Variants in PDE1A observed in about 807,000 individuals in gnomAD.
The protein encoded by PDE1A is dual specificity calcium/calmodulin-dependent 3',5'-cyclic nucleotide phosphodiesterase 1A.
Under a neutral mutation model 61.7 loss-of-function variants are expected in PDE1A, and 35 were observed. The ratio of observed to expected loss-of-function variants is 0.57; its 90% CI spans 0.43 to 0.75. The LOEUF (loss-of-function observed/expected upper bound fraction) is 0.75, where lower values mean the gene tolerates loss of function less well. Ranked by LOEUF, PDE1A falls within the 30% of genes least tolerant of loss-of-function variation. The pLI is 0.00. For synonymous variants in PDE1A, 232 were observed against 213.2 expected (o/e 1.09, Z -0.77); for missense variants, 597 against 630.6 (o/e 0.95, Z 0.57).
intron 1 of PDE1A, among the ~76,000 whole-genome samples, chr2:182,323,159 C>A (rs998225858): frequency 6.6e-6 from 1 of 152,088 alleles, no homozygotes; most frequent in Non-Finnish European, 1.5e-5. Flanking sequence ...AGCCTTTGAA[C>A]TTATAAACCA....
intron 1 of PDE1A, among the ~76,000 whole-genome samples, chr2:182,374,065 TTAGA>T (rs1174287902): frequency 1.2e-4 from 19 of 152,176 alleles, no homozygotes; most frequent in African/African-American, 3.1e-4. Flanking sequence ...AGGAGAAATA[TTAGA>T]TAAAGTACTA....
chr2:182,615,580 C>T, the PDE1A span, among the ~76,000 whole-genome samples: 1 of 152,068 alleles, frequency 6.6e-6, no homozygotes, highest in Admixed American at 6.6e-5. Flanking sequence ...TAAAATAACA[C>T]ATTGCTATTG....
intron 13 of PDE1A, among the ~76,000 whole-genome samples, chr2:182,154,894 A>G (rs2125282040): frequency 6.6e-6 from 1 of 152,280 alleles, no homozygotes; most frequent in South Asian, 2.1e-4. Context: ...GGAATTTTAT[A>G]ACATAATACT....
At chr2:182,243,507 T>C (rs763997214) in intron 2 of PDE1A, among the ~76,000 whole-genome samples, 11 of 152,284 alleles carry the variant, frequency 7.2e-5, no homozygotes, top group Admixed American at 1.3e-4. Flanking sequence ...GGCTGGAGTA[T>C]ACTGACTGAG....
At chr2:182,577,411 G>A in the PDE1A span, among the ~76,000 whole-genome samples, 42 of 152,166 alleles carry the variant, frequency 2.8e-4, no homozygotes, top group African/African-American at 9.9e-4. Flanking sequence ...AATTGATTAA[G>A]AGAAACTCTT....
intron 1 of PDE1A, among the ~76,000 whole-genome samples, chr2:182,375,127 T>C (rs968274291): frequency 2.0e-5 from 3 of 152,152 alleles, no homozygotes; most frequent in African/African-American, 7.2e-5. Flanking sequence ...GAGATTTGGG[T>C]GGGGACATAG....
At chr2:182,680,734 T>G in the PDE1A span, among the ~76,000 whole-genome samples, 775 of 152,214 alleles carry the variant, frequency 5.1e-3, 12 homozygotes, top group African/African-American at 0.018. Context: ...GCCCAGGAAG[T>G]TTCTTGGCTT....
chr2:182,152,766 G>GT (rs528014774), intron 13 of PDE1A, among the ~76,000 whole-genome samples: 16 of 152,078 alleles, frequency 1.1e-4, no homozygotes, highest in Non-Finnish European at 1.9e-4. Flanking sequence ...AGAAGCAGTT[G>GT]TATGTGTTCG....
At chr2:182,602,992 C>CACACACAT in the PDE1A span, among the ~76,000 whole-genome samples, 13,591 of 130,318 alleles carry the variant, frequency 0.1, 937 homozygotes, top group East Asian at 0.24. Context: ...CACACACACA[C>CACACACAT]ACATACATAC....
intron 1 of PDE1A, among the ~76,000 whole-genome samples, chr2:182,358,971 TTTCC>T (rs199552273): frequency 0.017 from 2,640 of 151,790 alleles, 28 homozygotes; most frequent in South Asian, 0.048. Context: ...CCTTCCTTCC[TTTCC>T]TTCCTTCCTT....
intron 7 of PDE1A, among the ~76,000 whole-genome samples, chr2:182,221,846 T>C (rs1265874907): frequency 1.3e-5 from 2 of 152,058 alleles, no homozygotes; most frequent in African/African-American, 2.4e-5. Flanking sequence ...CAAGTGCATA[T>C]AGACAGGTCA....
intron 10 of PDE1A, among the ~76,000 whole-genome samples, chr2:182,198,592 T>C (rs1410614602): frequency 6.6e-6 from 1 of 151,288 alleles, no homozygotes; most frequent in Non-Finnish European, 1.5e-5. Flanking sequence ...ATAGGGTTGA[T>C]AATTAATATA....
chr2:182,434,589 C>G (rs1006097671), intron 2 of PDE1A, among the ~76,000 whole-genome samples: 1 of 151,904 alleles, frequency 6.6e-6, no homozygotes, highest in Admixed American at 6.6e-5. Context: ...GGGGAGCAGC[C>G]CTCCTGGCCT....
intron 1 of PDE1A, among the ~76,000 whole-genome samples, chr2:182,329,135 T>C (rs146742016): frequency 3.7e-4 from 57 of 152,278 alleles, no homozygotes; most frequent in African/African-American, 1.1e-3. Context: ...TACATTCCTA[T>C]GGCTGTCTTT....
At chr2:182,264,314 T>C (rs1437720616) in exon 2 of PDE1A, 13 of 1,608,662 alleles carry the variant, frequency 8.1e-6, no homozygotes, top group South Asian at 1.1e-5. Context: ...GTTTCATCGA[T>C]ATAAACTGCT....
At chr2:182,668,654 T>C in the PDE1A span, among the ~76,000 whole-genome samples, 5 of 152,066 alleles carry the variant, frequency 3.3e-5, no homozygotes, top group African/African-American at 1.2e-4. Context: ...CTTTATTCTC[T>C]CTCTGGGCAC....
intron 1 of PDE1A, among the ~76,000 whole-genome samples, chr2:182,324,078 T>C (rs1197317580): frequency 2.0e-5 from 3 of 152,178 alleles, no homozygotes; most frequent in Admixed American, 6.5e-5. Context: ...TAATTTTTAC[T>C]GTTTATTTCC....
the PDE1A span, among the ~76,000 whole-genome samples, chr2:182,541,724 AT>A: frequency 1.1e-4 from 16 of 152,214 alleles, no homozygotes; most frequent in Non-Finnish European, 7.3e-5. Context: ...TTAGGTCTAT[AT>A]TTGTTCATAT....
chr2:182,306,480 AC>A (rs1208629230), intron 1 of PDE1A, among the ~76,000 whole-genome samples: 3 of 151,036 alleles, frequency 2.0e-5, no homozygotes, highest in Non-Finnish European at 3.0e-5. Context: ...ATGGAACCAC[AC>A]ACACACACAC....
Sources: allele counts gnomAD v4.1 joint callset (sites outside exome capture counted in the v4.1 genomes callset), GRCh38; gene constraint gnomAD v4.1.1; transcripts MANE v1.5; gene names NCBI Gene and HGNC (gene_info 2026-07-23, HGNC 2026-07-21).